The following PDE11A variants were observed in gnomAD, a reference collection of about 807,000 sequenced individuals.
PDE11A encodes dual 3',5'-cyclic-AMP and -GMP phosphodiesterase 11A.
A neutral mutation model predicts 100.5 loss-of-function variants in PDE11A; 100 were observed. The ratio of observed to expected loss-of-function variants is 1.00; its 90% CI spans 0.85 to 1.18. The LOEUF (loss-of-function observed/expected upper bound fraction) is 1.18, where lower values mean the gene tolerates loss of function less well. PDE11A is among the 50% of genes most tolerant of loss of function. PDE11A has a pLI of 0.00. For missense variants in PDE11A, 1,141 were observed against 1,152.6 expected (o/e 0.99, Z 0.15); for synonymous variants, 381 against 420.8 (o/e 0.91, Z 1.16).
At chr2:178,048,636 C>T (rs942788377) in intron 1 of PDE11A, among the ~76,000 whole-genome samples, 4 of 152,100 alleles carry the variant, frequency 2.6e-5, no homozygotes, top group Non-Finnish European at 4.4e-5. Context: ...TTCAGTTCCT[C>T]GATGCTGTAA....
chr2:178,074,730 A>G (rs2087185964), upstream of PDE11A, among the ~76,000 whole-genome samples: 1 of 152,196 alleles, frequency 6.6e-6, no homozygotes, highest in African/African-American at 2.4e-5. Flanking sequence ...AGAGTGGAGA[A>G]GAATACTGGG....
In PDE11A at chr2:177,952,063, C is replaced by T. The variant is rs560373070; in HGVS notation, c.1072-46876G>A. 1.7e-3 allele frequency among the ~76,000 whole-genome samples: 252 copies of T among 152,068 alleles called. 1 individual carries two copies. The highest frequency in any genetic ancestry group is 2.6e-3 in the Admixed American group (40 of 15,276). On this transcript the variant is annotated intron_variant, in intron 2 of 19. Transcript: ENST00000286063. ...ATGAAGATCTTTCTTAACTCACCTC[C>T]TGCCACTTCTCACTACCTAAACTTC...
chr2:177,642,787 C>G (rs184930371), intron 19 of PDE11A, among the ~76,000 whole-genome samples: 1 of 152,196 alleles, frequency 6.6e-6, no homozygotes, highest in South Asian at 2.1e-4. Flanking sequence ...ACAATTGTAA[C>G]CTCCGCCTAG....
chr2:177,889,303 G>A (rs186288607), intron 4 of PDE11A, among the ~76,000 whole-genome samples: 2 of 152,250 alleles, frequency 1.3e-5, no homozygotes, highest in East Asian at 1.9e-4. Flanking sequence ...TAGATGCTTT[G>A]ATTTTTTTGT....
chr2:177,949,836 C>T (rs767625730), intron 2 of PDE11A, among the ~76,000 whole-genome samples: 1 of 152,186 alleles, frequency 6.6e-6, no homozygotes, highest in Non-Finnish European at 1.5e-5. Context: ...AGAGCTTTCA[C>T]AGCTTTTCTA....
intron 2 of PDE11A, among the ~76,000 whole-genome samples, chr2:178,092,223 C>T (rs2087431942): frequency 6.6e-6 from 1 of 152,178 alleles, no homozygotes; most frequent in Non-Finnish European, 1.5e-5. Context: ...GTTAGACTTA[C>T]AAACTATTTT....
intron 6 of PDE11A, among the ~76,000 whole-genome samples, chr2:177,825,778 C>A (rs758331005): frequency 7.2e-5 from 11 of 152,188 alleles, no homozygotes; most frequent in Non-Finnish European, 1.6e-4. Flanking sequence ...CCAACGAAGT[C>A]ACCCAAAGTT....
chr2:177,684,245 C>A (rs2105511033), intron 15 of PDE11A, among the ~76,000 whole-genome samples: 1 of 152,074 alleles, frequency 6.6e-6, no homozygotes, highest in South Asian at 2.1e-4. Context: ...CCAGGGCTAC[C>A]AACAAATAAA....
intron 4 of PDE11A, among the ~76,000 whole-genome samples, chr2:177,897,164 T>C (rs1172729040): frequency 6.6e-6 from 1 of 152,200 alleles, no homozygotes; most frequent in Non-Finnish European, 1.5e-5. Flanking sequence ...AAATAATTGC[T>C]ACACAATTCC....
At chr2:178,100,255 T>G (rs1356583438) in intron 2 of PDE11A, among the ~76,000 whole-genome samples, 1 of 152,256 alleles carries the variant, frequency 6.6e-6, no homozygotes, top group Non-Finnish European at 1.5e-5. Flanking sequence ...TATATTTTGC[T>G]ACAATTTTTA....
intron 10 of PDE11A, among the ~76,000 whole-genome samples, chr2:177,755,793 C>T (rs905114895): frequency 6.6e-6 from 1 of 152,198 alleles, no homozygotes. Context: ...CCACTTTTAC[C>T]CCTTTGTAGA....
intron 2 of PDE11A, among the ~76,000 whole-genome samples, chr2:178,008,508 C>T (rs745854397): frequency 9.9e-5 from 15 of 152,172 alleles, no homozygotes; most frequent in Non-Finnish European, 1.9e-4. Context: ...GTTGCCCCTT[C>T]TCAGCATGAT....
At chr2:177,856,302 C>G (rs58297855) in intron 5 of PDE11A, among the ~76,000 whole-genome samples, 4,511 of 152,054 alleles carry the variant, frequency 0.03, 112 homozygotes, top group East Asian at 0.075. Flanking sequence ...AACATTAGAT[C>G]GTGGGGTGAG....
intron 15 of PDE11A, among the ~76,000 whole-genome samples, chr2:177,694,485 A>C (rs1315139587): frequency 6.6e-6 from 1 of 152,210 alleles, no homozygotes; most frequent in African/African-American, 2.4e-5. Context: ...CAAAACATGC[A>C]AAATAAATAG....
At chr2:177,630,477 G>C (rs751510157) in intron 19 of PDE11A, among the ~76,000 whole-genome samples, 40 of 152,094 alleles carry the variant, frequency 2.6e-4, no homozygotes, top group Non-Finnish European at 1.3e-4. Flanking sequence ...TCCAAGATAG[G>C]GGGTAACATG....
intron 2 of PDE11A, among the ~76,000 whole-genome samples, chr2:177,990,633 G>A (rs1259268709): frequency 6.6e-6 from 1 of 151,972 alleles, no homozygotes; most frequent in Admixed American, 6.6e-5. Flanking sequence ...AGCTACTCAG[G>A]AGGCTGAGGC....
At chr2:177,786,501 G>T (rs200429498) in intron 9 of PDE11A, among the ~76,000 whole-genome samples, 1 of 151,102 alleles carries the variant, frequency 6.6e-6, no homozygotes, top group Non-Finnish European at 1.5e-5. Context: ...CCAAAGGAAC[G>T]CAGTTCCTCA....
chr2:177,686,071 T>C (rs2080943417), intron 15 of PDE11A, among the ~76,000 whole-genome samples: 1 of 152,108 alleles, frequency 6.6e-6, no homozygotes, highest in African/African-American at 2.4e-5. Context: ...TAGGGAACAG[T>C]GAGAGGAGCC....
chr2:178,060,232 A>G (rs566859384), intron 1 of PDE11A, among the ~76,000 whole-genome samples: 1 of 152,320 alleles, frequency 6.6e-6, no homozygotes, highest in East Asian at 1.9e-4. Context: ...ATGAGCTTCC[A>G]TTGTGTTACT....
Sources: allele counts gnomAD v4.1 joint callset (sites outside exome capture counted in the v4.1 genomes callset), GRCh38; gene constraint gnomAD v4.1.1; transcripts MANE v1.5; gene names NCBI Gene and HGNC (gene_info 2026-07-23, HGNC 2026-07-21).